The following TOM1L1 variants were observed in gnomAD, a reference collection of about 807,000 sequenced individuals.
TOM1L1 encodes target of myb1 like 1 membrane trafficking protein, also known as TOM1-like protein 1.
TOM1L1 carries 64 observed loss-of-function variants against 63.4 expected under a neutral mutation model. The ratio of observed to expected loss-of-function variants is 1.01; its 90% CI spans 0.83 to 1.24. The LOEUF (loss-of-function observed/expected upper bound fraction) is 1.24. Among genes scored for constraint, TOM1L1 ranks in the 50% most tolerant of loss-of-function variants. The pLI, the probability that TOM1L1 is intolerant of heterozygous loss-of-function variation, is 0.00. For synonymous variants in TOM1L1, 166 were observed against 194.4 expected, an observed-to-expected ratio of 0.85 and a Z score of 1.22; for missense variants, 536 against 567.0, an observed-to-expected ratio of 0.95 and a Z score of 0.55.
chr17:54,936,534 G>A (rs578019355), intron 8 of TOM1L1, 115 bp from the exon 9 acceptor site: 1 of 842,346 alleles, frequency 1.2e-6, no homozygotes, highest in Admixed American at 3.1e-5. Context: ...ATAATTGTGT[G>A]AGGATGAGGC....
intron 6 of TOM1L1, 122 bp downstream of exon 6, chr17:54,914,865 G>C: frequency 2.5e-6 from 2 of 789,848 alleles, no homozygotes; most frequent in Non-Finnish European, 4.3e-6. Flanking sequence ...CACAGAGGAA[G>C]AGACTGAGGC....
chr17:54,901,044 C>A, intron 1 of TOM1L1, 121 bp downstream of exon 1: 8 of 1,377,332 alleles, frequency 5.8e-6, no homozygotes, highest in Non-Finnish European at 7.0e-6. Flanking sequence ...TATTCCCCTC[C>A]CCCCGCAACT....
At chr17:54,906,082 A>G (rs554360341) in intron 3 of TOM1L1, among the ~76,000 whole-genome samples, 1 of 152,292 alleles carries the variant, frequency 6.6e-6, no homozygotes, top group African/African-American at 2.4e-5. Flanking sequence ...AGGCAGGACA[A>G]TCACTTGAGC....
chr17:54,947,185 C>A, intron 11 of TOM1L1, 76 bp from the exon 12 acceptor site: 1 of 1,434,332 alleles, frequency 7.0e-7, no homozygotes, highest in Non-Finnish European at 9.8e-7. Flanking sequence ...TGTTTTTAGA[C>A]TAGGAAAATT....
At chr17:54,910,543 C>T (rs1485243279) in intron 3 of TOM1L1, among the ~76,000 whole-genome samples, 2 of 152,150 alleles carry the variant, frequency 1.3e-5, no homozygotes, top group Non-Finnish European at 2.9e-5. Flanking sequence ...TAGGTATTTG[C>T]GTAAGACGGT....
intron 2 of TOM1L1, among the ~76,000 whole-genome samples, chr17:54,905,167 T>C (rs572389906): frequency 4.0e-4 from 61 of 152,330 alleles, no homozygotes; most frequent in Middle Eastern, 3.4e-3. Context: ...GGAAGTTGCA[T>C]TTCCTATAAG....
intron 11 of TOM1L1, among the ~76,000 whole-genome samples, chr17:54,943,023 T>G (rs1457579986): frequency 1.3e-5 from 2 of 152,228 alleles, no homozygotes; most frequent in African/African-American, 4.8e-5. Context: ...ATCTTATTGG[T>G]TGATTGAGTC....
chr17:54,940,053 G>T (rs1280285732), intron 11 of TOM1L1, among the ~76,000 whole-genome samples: 3 of 152,092 alleles, frequency 2.0e-5, no homozygotes, highest in African/African-American at 7.2e-5. Context: ...ATGCCCCAAT[G>T]CCCAACTAAT....
intron 14 of TOM1L1, chr17:54,958,481 AGCACTTTGAGAGG>A (rs2077010128): frequency 6.6e-6 from 1 of 152,312 alleles, no homozygotes; most frequent in East Asian, 1.9e-4. Context: ...CTATAATCCC[AGCACTTTGAGAGG>A]CCAAGGCAGG....
chr17:54,943,441 G>GGTGTGTGTGTGTGTGT (rs10694555), intron 11 of TOM1L1, among the ~76,000 whole-genome samples: 71 of 134,428 alleles, frequency 5.3e-4, no homozygotes, highest in African/African-American at 1.8e-3. Context: ...TTTGTATAAT[G>GGTGTGTGTGTGTGTGT]GTGTGTGTGT....
At chr17:54,912,582 C>A in intron 3 of TOM1L1, 84 bp from the exon 4 acceptor site, 1 of 1,164,516 alleles carries the variant, frequency 8.6e-7, no homozygotes, top group East Asian at 2.7e-5. Context: ...CTGATGGAAC[C>A]CATTATTTAG....
At chr17:54,905,180 G>GC (rs1189956706) in intron 2 of TOM1L1, among the ~76,000 whole-genome samples, 7 of 152,118 alleles carry the variant, frequency 4.6e-5, no homozygotes, top group Non-Finnish European at 8.8e-5. Flanking sequence ...CCTATAAGTT[G>GC]GTTCTGTGCA....
intron 3 of TOM1L1, among the ~76,000 whole-genome samples, chr17:54,911,129 T>A (rs2048490569): frequency 6.6e-6 from 1 of 152,216 alleles, no homozygotes; most frequent in Admixed American, 6.5e-5. Flanking sequence ...TCATGTTGCT[T>A]TATTGCAAAT....
rs1692666886 is a variant in TOM1L1 at position 54,913,830 on chromosome 17, AGTTTCCTC to A, written c.456_463del (p.Gln152HisfsTer7). The A allele has an allele frequency of 6.8e-6, 11 of 1,612,094 alleles. No individual in the cohort carries two copies. The highest frequency in any genetic ancestry group is 9.3e-6 in the Non-Finnish European group (11 of 1,178,744). ...CTCGACCTGGTTAAGAAAGGCGTTC[AGTTTCCTC>A]CCTCAGAAGCAGAGGCTGAAACAGC... On this transcript the variant is annotated frameshift_variant, in exon 5 of 16. Transcript: ENST00000575882. LOFTEE classifies it high-confidence loss of function.
chr17:54,930,323 A>C (rs2048838441), intron 8 of TOM1L1, 117 bp downstream of exon 8: 2 of 1,431,930 alleles, frequency 1.4e-6, no homozygotes, highest in Non-Finnish European at 9.6e-7. Flanking sequence ...CTCCATTCTC[A>C]ATAGGAAAGG....
Position 54,947,323 on chromosome 17 carries a change from A to C in TOM1L1, c.1182+11A>C, listed in dbSNP as rs774751855. The C allele has an allele frequency of 1.9e-6, 3 of 1,613,996 alleles. No individual in the cohort carries two copies. The highest frequency in any genetic ancestry group is 2.5e-6 in the Non-Finnish European group (3 of 1,179,892). ...CACGCATATGATAATGTAAGTAACA[A>C]AACTCTTTTCTAGCAGTGCATCTAG... On this transcript the variant is annotated intron_variant, in intron 12 of 15. Coordinates refer to ENST00000575882, the MANE Select transcript of TOM1L1 (RefSeq NM_005486.3).
intron 7 of TOM1L1, among the ~76,000 whole-genome samples, chr17:54,917,866 A>T (rs1282587091): frequency 6.6e-6 from 1 of 152,090 alleles, no homozygotes; most frequent in Non-Finnish European, 1.5e-5. Flanking sequence ...GGTCTTCTGG[A>T]TTATGTATTC....
chr17:54,903,660 C>A, intron 1 of TOM1L1, 48 bp from the exon 2 acceptor site: 1 of 1,515,866 alleles, frequency 6.6e-7, no homozygotes, highest in Middle Eastern at 1.7e-4. Flanking sequence ...GAATACCAGA[C>A]ATTTTTTATT....
rs2077116726 is a variant in TOM1L1 at position 54,961,233 on chromosome 17, A to G, written c.*2-2A>G. The G allele has an allele frequency of 6.6e-7, 1 of 1,525,404 alleles. No homozygotes were observed. Among genetic ancestry groups the G allele is most frequent in the Non-Finnish European group, 8.9e-7 (1 of 1,123,118 alleles). 94.5% of individuals were successfully genotyped at this position (1,525,404 alleles called of 1,614,324 possible). On this transcript the variant is annotated splice_acceptor_variant, in intron 15 of 15. Coordinates refer to ENST00000575882, the MANE Select transcript of TOM1L1 (RefSeq NM_005486.3). LOFTEE classifies it low-confidence loss of function (3UTR_SPLICE). The stretch of plus-strand genomic sequence containing the variant: ...CTGGCCATTTTCTTCTCTTTATTTT[A>G]GAAGAAAGTGGATGATCAGCTCACT...
Sources: allele counts gnomAD v4.1 joint callset (sites outside exome capture counted in the v4.1 genomes callset), GRCh38; gene constraint gnomAD v4.1.1; transcripts MANE v1.5; gene names NCBI Gene and HGNC (gene_info 2026-07-23, HGNC 2026-07-21).